ERC1: variants seen among roughly 807,000 people sequenced by gnomAD.
ERC1 encodes ELKS/RAB6-interacting/CAST family member 1, also known as RAB6 interacting protein 2.
In ERC1, 56 loss-of-function variants were observed where a neutral mutation model predicts 132.0. The ratio of observed to expected loss-of-function variants is 0.42; its 90% confidence interval spans 0.34 to 0.53. The LOEUF (loss-of-function observed/expected upper bound fraction) is 0.53, where lower values mean the gene tolerates loss of function less well. Ranked by LOEUF, ERC1 falls within the 20% of genes least tolerant of loss-of-function variation. The probability of loss-of-function intolerance (pLI) is 0.03; values close to 1 mark genes in which losing one functional copy is unlikely to be tolerated. For synonymous variants in ERC1, 478 were observed against 476.1 expected, an observed-to-expected ratio of 1.00 and a Z score of -0.05; for missense variants, 1,202 against 1,349.9, an observed-to-expected ratio of 0.89 and a Z score of 1.72.
chr12:1,261,283 A>C (rs867736512), intron 13 of ERC1, among the ~76,000 whole-genome samples: 1 of 152,218 alleles, frequency 6.6e-6, no homozygotes, highest in African/African-American at 2.4e-5. Flanking sequence ...GATAGGATAG[A>C]CCGCACAAAG....
chr12:1,243,208 A>AG (rs1566361481), intron 13 of ERC1, among the ~76,000 whole-genome samples: 1 of 96,406 alleles, frequency 1.0e-5, no homozygotes, highest in African/African-American at 5.2e-5. Flanking sequence ...AAAAAAAAAG[A>AG]AAAAAAAAAA....
chr12:1,201,025 T>C (rs1956865178), intron 12 of ERC1, among the ~76,000 whole-genome samples: 1 of 152,212 alleles, frequency 6.6e-6, no homozygotes, highest in Non-Finnish European at 1.5e-5. Flanking sequence ...TGCATACATA[T>C]ATATTTGCAC....
At chr12:1,245,778 T>A (rs2076120067) in intron 13 of ERC1, among the ~76,000 whole-genome samples, 1 of 152,214 alleles carries the variant, frequency 6.6e-6, no homozygotes, top group African/African-American at 2.4e-5. Context: ...ATATGAATAC[T>A]CTTCCTTACG....
intron 15 of ERC1, among the ~76,000 whole-genome samples, chr12:1,316,659 G>A (rs1446924658): frequency 2.0e-5 from 3 of 152,168 alleles, no homozygotes; most frequent in African/African-American, 4.8e-5. Flanking sequence ...TTCAACCATT[G>A]TGGAAGACAC....
At chr12:1,066,393 C>CA (rs749011863) in intron 2 of ERC1, among the ~76,000 whole-genome samples, 9 of 152,180 alleles carry the variant, frequency 5.9e-5, no homozygotes, top group Non-Finnish European at 1.3e-4. Flanking sequence ...AACTGCTTTA[C>CA]ACCTTGTTTA....
intron 2 of ERC1, among the ~76,000 whole-genome samples, chr12:1,038,940 G>T (rs567857247): frequency 6.6e-6 from 1 of 152,044 alleles, no homozygotes; most frequent in African/African-American, 2.4e-5. Flanking sequence ...ACGATGGCTC[G>T]TGCCTGTAGT....
intron 16 of ERC1, among the ~76,000 whole-genome samples, chr12:1,393,605 CACGT>C (rs1566755486): frequency 1.2e-5 from 1 of 85,552 alleles, no homozygotes; most frequent in African/African-American, 5.1e-5. Flanking sequence ...AGAGAGAACA[CACGT>C]GTGTGTGTGT....
chr12:1,422,294 T>G (rs2092457848), intron 17 of ERC1, among the ~76,000 whole-genome samples: 2 of 152,376 alleles, frequency 1.3e-5, no homozygotes, highest in Middle Eastern at 3.4e-3. Flanking sequence ...TTTCTCACTT[T>G]TATAATTCTT....
intron 16 of ERC1, among the ~76,000 whole-genome samples, chr12:1,372,604 T>A (rs1247227719): frequency 6.6e-6 from 1 of 152,194 alleles, no homozygotes; most frequent in Non-Finnish European, 1.5e-5. Context: ...AATAAAGAAA[T>A]GGAGAAAAAC....
intron 17 of ERC1, among the ~76,000 whole-genome samples, chr12:1,420,858 G>T (rs1489131229): frequency 7.0e-6 from 1 of 143,110 alleles, no homozygotes; most frequent in African/African-American, 2.6e-5. Context: ...GTGCAAGGGT[G>T]TGCATTTATT....
At chr12:1,036,095 C>T (rs1168294656) in intron 2 of ERC1, among the ~76,000 whole-genome samples, 1 of 151,950 alleles carries the variant, frequency 6.6e-6, no homozygotes, top group African/African-American at 2.4e-5. Context: ...ATTTCATGAA[C>T]AAAATACTGT....
rs925579184 is a variant in ERC1, at chr12:1,378,312, T to TA, written c.2925+6336dup. ...TTGGAGACAGTAAATAATTGATTCT[T>TA]ACATGTCAGACTGATTGTCGGCTCT... On this transcript the variant is annotated intron_variant, in intron 16 of 18. Coordinates refer to ENST00000360905, the MANE Select transcript of ERC1 (RefSeq NM_178040.4). Among the ~76,000 whole-genome samples, 12 of 152,374 alleles carry TA rather than the reference T, an allele frequency of 7.9e-5. No individual in the cohort carries two copies. The East Asian group carries it at 2.1e-3, about 27-fold the overall frequency.
intron 12 of ERC1, among the ~76,000 whole-genome samples, chr12:1,199,088 G>A (rs533036982): frequency 1.4e-4 from 21 of 149,436 alleles, no homozygotes; most frequent in Non-Finnish European, 3.0e-5. Context: ...TTCCCACCAG[G>A]CCCCACCTCC....
At chr12:1,473,270 A>G (rs955639180) in intron 18 of ERC1, among the ~76,000 whole-genome samples, 8 of 151,998 alleles carry the variant, frequency 5.3e-5, no homozygotes, top group Non-Finnish European at 1.0e-4. Flanking sequence ...CTCGTGATCC[A>G]CCCACCTTGG....
chr12:1,244,547 G>A (rs1394043647), intron 13 of ERC1: 2 of 450,582 alleles, frequency 4.4e-6, no homozygotes, highest in African/African-American at 4.0e-5. Context: ...TTTAAGACAG[G>A]GTCTTGCTCT....
intron 16 of ERC1, among the ~76,000 whole-genome samples, chr12:1,374,543 G>A (rs2087640048): frequency 1.3e-5 from 2 of 152,226 alleles, no homozygotes; most frequent in South Asian, 4.1e-4. Context: ...CAGCCAGTGT[G>A]TTCAGACCTT....
chr12:1,223,506 G>T (rs762006545), intron 12 of ERC1, among the ~76,000 whole-genome samples: 38 of 152,154 alleles, frequency 2.5e-4, no homozygotes, highest in Admixed American at 1.0e-3. Context: ...CAAACACTAA[G>T]GTGATATTCA....
intron 14 of ERC1, among the ~76,000 whole-genome samples, chr12:1,286,293 CAAAAA>C (rs71293127): frequency 2.5e-5 from 2 of 81,286 alleles, no homozygotes; most frequent in Admixed American, 1.5e-4. Context: ...GACTCCATCT[CAAAAA>C]AAAAAAAAAA....
intron 15 of ERC1, among the ~76,000 whole-genome samples, chr12:1,292,223 G>A (rs1594805730): frequency 6.6e-6 from 1 of 152,054 alleles, no homozygotes; most frequent in African/African-American, 2.4e-5. Context: ...ATTAAGCTGT[G>A]AATTTGACTG....
Sources: allele counts gnomAD v4.1 joint callset (sites outside exome capture counted in the v4.1 genomes callset), GRCh38; gene constraint gnomAD v4.1.1; transcripts MANE v1.5; gene names NCBI Gene and HGNC (gene_info 2026-07-23, HGNC 2026-07-21).